The following SYNDIG1L variants were observed in gnomAD, a reference collection of about 807,000 sequenced individuals.
SYNDIG1L encodes the protein synapse differentiation-inducing gene protein 1-like.
A neutral mutation model predicts 20.1 loss-of-function variants in SYNDIG1L; 13 were observed. The observed-to-expected ratio is 0.65, with a 90% CI of 0.42 to 1.03. The LOEUF (loss-of-function observed/expected upper bound fraction) is 1.03, where lower values mean the gene tolerates loss of function less well. SYNDIG1L is among the 50% of genes least tolerant of loss of function. The probability of loss-of-function intolerance (pLI) is 0.00; values close to 1 mark genes in which losing one functional copy is unlikely to be tolerated. For synonymous variants in SYNDIG1L, 128 were observed against 129.3 expected (o/e 0.99, Z 0.07); for missense variants, 294 against 305.1 (o/e 0.96, Z 0.27).
the SYNDIG1L span, among the ~76,000 whole-genome samples, chr14:74,464,920 G>A: frequency 7.9e-5 from 12 of 152,154 alleles, no homozygotes; most frequent in Admixed American, 3.3e-4. Context: ...GCAGCATGTG[G>A]CAGCCCCAGC....
the SYNDIG1L span, chr14:74,479,259 TC>T: frequency 6.6e-6 from 1 of 152,184 alleles, no homozygotes; most frequent in African/African-American, 2.4e-5. Flanking sequence ...ACCAAAGAAA[TC>T]CAAGGGTCTA....
upstream of SYNDIG1L, among the ~76,000 whole-genome samples, chr14:74,429,763 G>A (rs1286197579): frequency 6.6e-6 from 1 of 152,264 alleles, no homozygotes; most frequent in East Asian, 1.9e-4. Flanking sequence ...TTCCAAGGAA[G>A]GGTGCATATG....
At chr14:74,470,748 G>A in the SYNDIG1L span, among the ~76,000 whole-genome samples, 3 of 152,216 alleles carry the variant, frequency 2.0e-5, no homozygotes, top group Non-Finnish European at 2.9e-5. Context: ...TCAAGGCTCA[G>A]CGCAATAGTT....
chr14:74,431,707 T>C, the SYNDIG1L span, among the ~76,000 whole-genome samples: 1 of 152,062 alleles, frequency 6.6e-6, no homozygotes, highest in East Asian at 1.9e-4. Context: ...AATTGTGACA[T>C]TTAATGAGGG....
chr14:74,455,394 CTTTT>C, the SYNDIG1L span, among the ~76,000 whole-genome samples: 1 of 123,752 alleles, frequency 8.1e-6, no homozygotes. Flanking sequence ...CTTCCCCAAT[CTTTT>C]TTTTTTTTTT....
the SYNDIG1L span, among the ~76,000 whole-genome samples, chr14:74,456,882 C>G: frequency 6.6e-6 from 1 of 152,142 alleles, no homozygotes; most frequent in Non-Finnish European, 1.5e-5. Flanking sequence ...TTCATGGAGT[C>G]AGGCCACATG....
the SYNDIG1L span, chr14:74,476,318 T>A: frequency 1.6e-6 from 1 of 635,222 alleles, no homozygotes; most frequent in Non-Finnish European, 2.8e-6. Flanking sequence ...CAGCCATCCA[T>A]TTGTCTGCCA....
At chr14:74,408,025 A>T in intron 2 of SYNDIG1L, 36 bp from the exon 3 acceptor site, 1 of 1,584,952 alleles carries the variant, frequency 6.3e-7, no homozygotes, top group Non-Finnish European at 8.6e-7. Context: ...CAGGCCCAGG[A>T]TCAGCCCAGC....
the SYNDIG1L span, among the ~76,000 whole-genome samples, chr14:74,456,644 C>T: frequency 1.9e-4 from 29 of 152,142 alleles, no homozygotes; most frequent in Non-Finnish European, 1.2e-4. Flanking sequence ...CATTTTGTTT[C>T]CATCTTATAA....
chr14:74,429,366 C>T (rs530457110), upstream of SYNDIG1L, among the ~76,000 whole-genome samples: 61 of 152,330 alleles, frequency 4.0e-4, no homozygotes, highest in African/African-American at 1.4e-3. Flanking sequence ...GAGTCAGCTC[C>T]GGCTGCTAAT....
the SYNDIG1L span, among the ~76,000 whole-genome samples, chr14:74,464,721 C>T: frequency 1.3e-5 from 2 of 152,114 alleles, no homozygotes; most frequent in South Asian, 4.1e-4. Flanking sequence ...CCCTCCCTGT[C>T]CCTCGGTTTC....
At chr14:74,451,989 A>C in the SYNDIG1L span, among the ~76,000 whole-genome samples, 1 of 148,974 alleles carries the variant, frequency 6.7e-6, no homozygotes, top group Non-Finnish European at 1.5e-5. Context: ...TTGTCTAAAA[A>C]AAAAAAAAAA....
intron 1 of SYNDIG1L, among the ~76,000 whole-genome samples, chr14:74,421,002 T>C (rs1253524408): frequency 6.6e-6 from 1 of 151,650 alleles, no homozygotes; most frequent in Non-Finnish European, 1.5e-5. Context: ...CAACAAAAGA[T>C]AATAAAAAAC....
the SYNDIG1L span, among the ~76,000 whole-genome samples, chr14:74,437,347 C>T: frequency 1.3e-5 from 2 of 152,178 alleles, no homozygotes; most frequent in African/African-American, 4.8e-5. Context: ...CGATCATGAA[C>T]AACAGTGGAG....
intron 1 of SYNDIG1L, among the ~76,000 whole-genome samples, chr14:74,421,967 T>C (rs913779030): frequency 5.3e-5 from 8 of 152,284 alleles, no homozygotes; most frequent in African/African-American, 1.9e-4. Context: ...ATCCACCTGC[T>C]TGGCAGATGG....
At chr14:74,426,626 C>A (rs1336701211), upstream of SYNDIG1L, among the ~76,000 whole-genome samples, 2 of 152,126 alleles carry the variant, frequency 1.3e-5, no homozygotes, top group East Asian at 3.9e-4. Flanking sequence ...ATACCAAGCC[C>A]GATAATGTGT....
rs1475501884 is a variant in SYNDIG1L at position 74,407,090 on chromosome 14, T to A, written c.*445A>T. 1.1e-5 allele frequency: 2 copies of A among 180,044 alleles called. No individual in the cohort carries two copies. The highest frequency in any genetic ancestry group is 3.5e-4 in the East Asian group (2 of 5,724). 11.2% of individuals were successfully genotyped at this position (180,044 alleles called of 1,614,324 possible). A position where few individuals can be genotyped will look rare whatever the true frequency, so the allele number is the denominator to read the frequency against. On this transcript the variant is annotated 3_prime_UTR_variant, in exon 4 of 4. Coordinates refer to ENST00000331628, the MANE Select transcript of SYNDIG1L (RefSeq NM_001105579.2). ...AGCTCAGGCTGTCCCCAGGTGAAGA[T>A]CCCTGTGGGCTGAAAGGATTGGGAC...
chr14:74,459,693 C>T, the SYNDIG1L span, among the ~76,000 whole-genome samples: 1 of 152,202 alleles, frequency 6.6e-6, no homozygotes, highest in East Asian at 1.9e-4. Flanking sequence ...AGGGCTGTAA[C>T]GTCCAGGCCT....
At chr14:74,437,924 A>AC in the SYNDIG1L span, among the ~76,000 whole-genome samples, 1 of 152,122 alleles carries the variant, frequency 6.6e-6, no homozygotes, top group African/African-American at 2.4e-5. Context: ...TTCTGCCCCC[A>AC]CAGATGACCC....
Sources: gnomAD v4.1 joint callset for allele counts (sites outside exome capture counted in the v4.1 genomes callset) on GRCh38, gnomAD v4.1.1 for gene constraint, MANE v1.5 for transcripts, NCBI Gene and HGNC (gene_info 2026-07-23, HGNC 2026-07-21) for gene names.